The following IL1RL1 variants were observed in gnomAD, a reference collection of about 807,000 sequenced individuals.
IL1RL1 encodes interleukin 1 receptor like 1.
IL1RL1 carries 32 observed loss-of-function variants against 50.9 expected under a neutral mutation model. The ratio of observed to expected loss-of-function variants is 0.63; its 90% CI spans 0.47 to 0.84. The LOEUF (loss-of-function observed/expected upper bound fraction) is 0.84, where lower values mean the gene tolerates loss of function less well. Ranked by LOEUF, IL1RL1 falls within the 40% of genes least tolerant of loss-of-function variation. IL1RL1 has a pLI of 0.00. For synonymous variants in IL1RL1, 275 were observed against 236.0 expected (o/e 1.17, Z -1.51); for missense variants, 773 against 662.9 (o/e 1.17, Z -1.82).
Position 102,352,012 on chromosome 2 carries a change from A to G in IL1RL1, c.*91A>G, listed in dbSNP as rs916118804. On this transcript the variant is annotated 3_prime_UTR_variant, in exon 11 of 11. Transcript: ENST00000233954. ...GCCCCTGCACTGAAGTGTGAGGAGC[A>G]GGAATATTAAAGGGATTCAGGCCTC... The G allele has an allele frequency of 5.5e-6, 7 of 1,268,524 alleles. No homozygotes were observed. Among genetic ancestry groups the G allele is most frequent in the Admixed American group, 2.3e-5 (1 of 43,968 alleles). 78.6% of individuals were successfully genotyped at this position (1,268,524 alleles called of 1,614,324 possible). A position where few individuals can be genotyped will look rare whatever the true frequency, so the allele number is the denominator to read the frequency against.
rs1677885099 is a variant in IL1RL1 at position 102,350,008 on chromosome 2, T to A, written c.1285+762T>A. 2.6e-5 allele frequency among the ~76,000 whole-genome samples: 4 copies of A among 152,332 alleles called. No individual in the cohort carries two copies. The South Asian group carries it at 8.3e-4, about 32-fold the overall frequency. The stretch of plus-strand genomic sequence containing the variant: ...CTAAGAAGAGGAATTCACATGCCTA[T>A]AGATGTAAAGGTATGAACAACAGGT... On this transcript the variant is annotated intron_variant, in intron 10 of 10. Coordinates refer to ENST00000233954, the MANE Select transcript of IL1RL1 (RefSeq NM_016232.5).
At chr2:102,316,235 T>C (rs1233459840) in intron 1 of IL1RL1, among the ~76,000 whole-genome samples, 1 of 152,232 alleles carries the variant, frequency 6.6e-6, no homozygotes, top group East Asian at 1.9e-4. Context: ...AAGATTTCTT[T>C]GATAGGAGGA....
rs748498337 is a variant in IL1RL1, at chr2:102,349,171, A to T, written c.1210A>T (p.Ile404Phe). ...ASRVEHFVHQ[I>F]LPDVLENKCG... ...TCGTGTAGAGCACTTTGTTCACCAG[A>T]TTCTGCCTGATGTTCTTGAAAATAA... The change falls in exon 10 of 11, where the codon ATT becomes TTT. Residue 404 changes from isoleucine (I) to phenylalanine (F), a missense_variant. Coordinates refer to ENST00000233954, the MANE Select transcript of IL1RL1 (RefSeq NM_016232.5). The T allele has an allele frequency of 6.2e-7, 1 of 1,613,786 alleles. No homozygotes were observed. The highest frequency in any genetic ancestry group is 2.2e-5 in the East Asian group (1 of 44,880).
chr2:102,334,539 A>C (rs1046112058), intron 1 of IL1RL1, among the ~76,000 whole-genome samples: 1 of 152,204 alleles, frequency 6.6e-6, no homozygotes, highest in Non-Finnish European at 1.5e-5. Context: ...CAATAAAAAA[A>C]AATAAAAAAA....
intron 10 of IL1RL1, among the ~76,000 whole-genome samples, chr2:102,350,215 C>A (rs1344551840): frequency 6.6e-6 from 1 of 152,358 alleles, no homozygotes; most frequent in Middle Eastern, 3.4e-3. Flanking sequence ...CTCAAACACT[C>A]TTTTCATATT....
chr2:102,351,619 G>A lies in IL1RL1; in HGVS notation c.1369G>A (p.Glu457Lys), dbSNP rs868048474. The A allele has an allele frequency of 6.2e-7, 1 of 1,614,098 alleles. No homozygotes were observed. The highest frequency in any genetic ancestry group is 1.7e-5 in the Admixed American group (1 of 60,020). The change falls in exon 11 of 11, where the codon GAG becomes AAG. Residue 457 changes from glutamate (E) to lysine (K), a missense_variant. Coordinates refer to ENST00000233954, the MANE Select transcript of IL1RL1 (RefSeq NM_016232.5). The part of the protein sequence containing the change: ...ILTPQITHNK[E>K]FAYEQEVALH... ...GACCCCTCAGATCACTCACAATAAG[G>A]AGTTTGCCTACGAGCAGGAGGTTGC... is the stretch of plus-strand genomic sequence containing the variant.
At position 102,349,231 on chromosome 2, in the gene IL1RL1, A is replaced by G; in HGVS notation, c.1270A>G (p.Met424Val). Reference protein sequence around the residue: ...GYTLCIYGRDMLPGEDVVTAV... With the variant: ...GYTLCIYGRDVLPGEDVVTAV... ...TACCTTATGCATTTATGGGAGAGAT[A>G]TGCTACCTGGAGAAGGTAAAGCTAT... Residue 424 changes from methionine to valine, a missense_variant, in exon 10 of 11, where the codon ATG becomes GTG. By Grantham distance (21) the Met-to-Val change is conservative. Transcript: ENST00000233954. 6.2e-7 allele frequency: 1 copy of G among 1,613,692 alleles called. No homozygotes were observed. Among genetic ancestry groups the G allele is most frequent in the South Asian group, 1.1e-5 (1 of 91,078 alleles).
At chr2:102,345,855 AG>A (rs1352068018) in intron 8 of IL1RL1, 1 of 985,456 alleles carries the variant, frequency 1.0e-6, no homozygotes, top group African/African-American at 1.7e-5. Context: ...TGGTGGGCCC[AG>A]TAGACCCTGC....
rs561758279 is a variant in IL1RL1, at chr2:102,348,182, G to T, written c.1117+91G>T. 1.9e-5 allele frequency: 19 copies of T among 1,004,492 alleles called. No individual in the cohort carries two copies. The African/African-American group carries it at 2.6e-4, about 14-fold the overall frequency. 62.2% of individuals were successfully genotyped at this position (1,004,492 alleles called of 1,614,324 possible). On this transcript the variant is annotated intron_variant, in intron 9 of 10. Transcript: ENST00000233954. Reference sequence around the variant, plus strand: ...CTATTAATCTTTCAGTAGCTAGGCTGCTAAGCCCAGATTCCATTTTGCTTG... The same window carrying T: ...CTATTAATCTTTCAGTAGCTAGGCTTCTAAGCCCAGATTCCATTTTGCTTG...
At position 102,343,042 on chromosome 2, in the gene IL1RL1, A is replaced by T; in HGVS notation, c.689A>T (p.Asn230Ile). The T allele has an allele frequency of 6.2e-7, 1 of 1,613,874 alleles. No individual in the cohort carries two copies. The highest frequency in any genetic ancestry group is 8.5e-7 in the Non-Finnish European group (1 of 1,179,936). The change falls in exon 7 of 11, where the codon AAC (asparagine) becomes ATC (isoleucine). Residue 230 changes from asparagine to isoleucine, a missense_variant. Coordinates refer to ENST00000233954, the MANE Select transcript of IL1RL1 (RefSeq NM_016232.5). ...TGTCCTTACTCCCCTCTAGGAAAAAACGCAAACCTAACTTGCTCTGCTTGT... is the reference window on the plus strand; with the variant it reads ...TGTCCTTACTCCCCTCTAGGAAAAATCGCAAACCTAACTTGCTCTGCTTGT... ...NEIKEVEIGK[N>I]ANLTCSACFG...
At chr2:102,338,774 T>C in intron 2 of IL1RL1, 63 bp from the exon 3 acceptor site, 2 of 1,244,674 alleles carry the variant, frequency 1.6e-6, no homozygotes, top group African/African-American at 1.5e-5. Flanking sequence ...ATATTGAGAG[T>C]ATAAGAATTA....
At chr2:102,322,064 T>C (rs1004863952) in intron 1 of IL1RL1, among the ~76,000 whole-genome samples, 5 of 152,064 alleles carry the variant, frequency 3.3e-5, no homozygotes, top group Admixed American at 6.5e-5. Context: ...AACTGACTCA[T>C]GAGATTGTGG....
At chr2:102,311,966 A>AT (rs1559592112) in intron 1 of IL1RL1, among the ~76,000 whole-genome samples, 1 of 35,312 alleles carries the variant, frequency 2.8e-5, no homozygotes, top group African/African-American at 1.5e-4. Flanking sequence ...TATATTATAT[A>AT]TAATATTATA....
chr2:102,347,421 A>T (rs1043312037), intron 8 of IL1RL1, among the ~76,000 whole-genome samples: 1 of 152,182 alleles, frequency 6.6e-6, no homozygotes, highest in Non-Finnish European at 1.5e-5. Flanking sequence ...TCAAGTCTGG[A>T]CAGAACCTGG....
chr2:102,339,108 G>A, intron 3 of IL1RL1, 61 bp downstream of exon 3: 1 of 1,161,424 alleles, frequency 8.6e-7, no homozygotes, highest in South Asian at 1.2e-5. Context: ...GTGGTTGATT[G>A]CCTGAGCTGC....
Position 102,311,954 on chromosome 2 carries a change from TATATA to T in IL1RL1, c.-150+332_-150+336del, listed in dbSNP as rs1411620562. Among the ~76,000 whole-genome samples, 8 of 35,584 alleles carry T rather than the reference TATATA, an allele frequency of 2.2e-4. 1 individual carries two copies. Among genetic ancestry groups the T allele is most frequent in the South Asian group, 2.2e-3 (4 of 1,812 alleles). 23.3% of individuals were successfully genotyped at this position (35,584 alleles called of 152,430 possible). A position where few individuals can be genotyped will look rare whatever the true frequency, so the allele number is the denominator to read the frequency against. ...ATATTATATATAATATTATATATAA[TATATA>T]TTATATATAATATTATATATAATAT... On this transcript the variant is annotated intron_variant, in intron 1 of 10. Coordinates refer to ENST00000233954, the MANE Select transcript of IL1RL1 (RefSeq NM_016232.5).
intron 1 of IL1RL1, among the ~76,000 whole-genome samples, chr2:102,317,033 T>A (rs1480707446): frequency 6.6e-6 from 1 of 152,224 alleles, no homozygotes; most frequent in Non-Finnish European, 1.5e-5. Context: ...AAGGGCAATA[T>A]TTTAAAATCA....
At chr2:102,321,076 C>T (rs1676823232) in intron 1 of IL1RL1, among the ~76,000 whole-genome samples, 1 of 152,214 alleles carries the variant, frequency 6.6e-6, no homozygotes, top group Admixed American at 6.5e-5. Flanking sequence ...TCGGACACAC[C>T]AGGCTTGCCT....
intron 1 of IL1RL1, among the ~76,000 whole-genome samples, chr2:102,323,778 G>C (rs2104966403): frequency 6.6e-6 from 1 of 152,216 alleles, no homozygotes. Context: ...AACATGAGGT[G>C]AGGAGGGTAC....
Sources: allele counts gnomAD v4.1 joint callset (sites outside exome capture counted in the v4.1 genomes callset), GRCh38; gene constraint gnomAD v4.1.1; transcripts MANE v1.5; gene names NCBI Gene and HGNC (gene_info 2026-07-23, HGNC 2026-07-21).